Variants in MDFIC observed in about 807,000 individuals in gnomAD.
MDFIC encodes MyoD family inhibitor domain containing, also known as myoD family inhibitor domain-containing protein.
Under a neutral mutation model 23.2 loss-of-function variants are expected in MDFIC, and 17 were observed. The observed-to-expected ratio is 0.73, with a 90% confidence interval of 0.50 to 1.10. The LOEUF is 1.10. Ranked by LOEUF, MDFIC falls within the 50% of genes least tolerant of loss-of-function variation. MDFIC has a pLI of 0.00. For synonymous variants in MDFIC, 120 were observed against 115.2 expected (o/e 1.04, Z -0.27); for missense variants, 356 against 316.6 (o/e 1.12, Z -0.95).
At chr7:114,985,962 C>G (rs1398276386) in intron 4 of MDFIC, among the ~76,000 whole-genome samples, 1 of 150,930 alleles carries the variant, frequency 6.6e-6, no homozygotes, top group Non-Finnish European at 1.5e-5. Flanking sequence ...AATCAGGGTG[C>G]TTTCTCACCT....
chr7:115,013,166 T>C lies in MDFIC; in HGVS notation c.494-2522T>C, dbSNP rs564277126. 3.3e-5 allele frequency among the ~76,000 whole-genome samples: 5 copies of C among 152,296 alleles called. 1 individual carries two copies. The South Asian group carries it at 1.0e-3, about 32-fold the overall frequency. ...TTGCGGAGTATAGTTTCCATTCTGA[T>C]ATATTTTTTAGGGGTGTGTACACAT... is the stretch of plus-strand genomic sequence containing the variant. On this transcript the variant is annotated intron_variant, in intron 4 of 4. Coordinates refer to ENST00000393486, the MANE Select transcript of MDFIC (RefSeq NM_001166345.3).
intron 3 of MDFIC, among the ~76,000 whole-genome samples, chr7:114,966,628 T>C (rs1793102512): frequency 6.6e-6 from 1 of 152,186 alleles, no homozygotes; most frequent in African/African-American, 2.4e-5. Flanking sequence ...GAACAGGTTG[T>C]TTGTGTCACT....
At chr7:114,946,433 T>C in intron 3 of MDFIC, among the ~76,000 whole-genome samples, 1 of 152,194 alleles carries the variant, frequency 6.6e-6, no homozygotes, top group Non-Finnish European at 1.5e-5. Flanking sequence ...TACTTAACTT[T>C]ATCCTTGGAC....
In MDFIC at chr7:114,923,071, T is replaced by C; in HGVS notation, c.38T>C (p.Val13Ala). 7.1e-7 allele frequency: 1 copy of C among 1,403,736 alleles called. No individual in the cohort carries two copies. The highest frequency in any genetic ancestry group is 9.3e-7 in the Non-Finnish European group (1 of 1,079,662). The allele number at this position is 1,403,736 out of a possible 1,614,324, so 87.0% of individuals were successfully genotyped here. The change falls in exon 2 of 5, where the codon GTG (valine) becomes GCG (alanine). Residue 13 changes from valine (V) to alanine (A), a missense_variant. Transcript: ENST00000393486. ...GAGEALAPGP[V>A]GPQRVAEAGG... ...GGCGAAGCCCTCGCTCCCGGGCCCG[T>C]GGGGCCGCAGCGCGTGGCCGAGGCG...
chr7:114,968,132 T>C (rs1057207363), intron 3 of MDFIC, among the ~76,000 whole-genome samples: 4 of 152,206 alleles, frequency 2.6e-5, no homozygotes, highest in African/African-American at 7.2e-5. Flanking sequence ...CGTGTTAATC[T>C]TGAAATGTGG....
At chr7:114,941,730 G>A (rs989372523) in intron 2 of MDFIC, among the ~76,000 whole-genome samples, 5 of 152,054 alleles carry the variant, frequency 3.3e-5, no homozygotes, top group Admixed American at 1.3e-4. Flanking sequence ...ACCCACTTGC[G>A]AATCTCTCGT....
At chr7:114,954,401 T>C (rs1390571428) in intron 3 of MDFIC, among the ~76,000 whole-genome samples, 2 of 152,262 alleles carry the variant, frequency 1.3e-5, no homozygotes, top group South Asian at 4.1e-4. Flanking sequence ...ATTTCTGCCA[T>C]GCTTATGCTG....
chr7:114,949,955 CA>C (rs1296920958), intron 3 of MDFIC, among the ~76,000 whole-genome samples: 1 of 152,044 alleles, frequency 6.6e-6, no homozygotes, highest in East Asian at 1.9e-4. Context: ...AGGACATGGC[CA>C]TTTTGAGGGG....
At chr7:115,006,093 T>TCCTCCTGCCTGTGTGAGGTCTGCA (rs1231138456) in intron 4 of MDFIC, among the ~76,000 whole-genome samples, 4 of 152,124 alleles carry the variant, frequency 2.6e-5, no homozygotes, top group African/African-American at 7.2e-5. Flanking sequence ...CAGGCGAGGC[T>TCCTCCTGCCTGTGTGAGGTCTGCA]CCTCCTGCCT....
At chr7:114,959,800 C>T (rs890830053) in intron 3 of MDFIC, among the ~76,000 whole-genome samples, 2 of 147,768 alleles carry the variant, frequency 1.4e-5, no homozygotes, top group African/African-American at 2.5e-5. Flanking sequence ...AGCCAATTAT[C>T]TTGACTCCCA....
intron 2 of MDFIC, among the ~76,000 whole-genome samples, chr7:114,936,147 C>A (rs1371238462): frequency 1.3e-5 from 2 of 152,104 alleles, no homozygotes; most frequent in East Asian, 3.9e-4. Context: ...AGTGGTGGAC[C>A]CAGGCACCCT....
intron 3 of MDFIC, among the ~76,000 whole-genome samples, chr7:114,969,187 T>C (rs1043349144): frequency 5.3e-5 from 8 of 152,222 alleles, no homozygotes; most frequent in African/African-American, 1.9e-4. Context: ...CTTGAATCCT[T>C]GCTACACTTC....
intron 3 of MDFIC, among the ~76,000 whole-genome samples, chr7:114,943,391 A>G (rs916412933): frequency 6.6e-6 from 1 of 152,202 alleles, no homozygotes; most frequent in Non-Finnish European, 1.5e-5. Context: ...AGAGGGTCCA[A>G]CTTAGGAGAA....
At chr7:114,922,892 ATTT>A in intron 1 of MDFIC, 32 bp from the exon 2 acceptor site, 1 of 1,254,212 alleles carries the variant, frequency 8.0e-7, no homozygotes, top group Non-Finnish European at 1.1e-6. Context: ...CTCTAAAAAC[ATTT>A]TTTTTTTTAA....
chr7:114,997,801 GAGAAAGAA>G (rs1014966030), intron 4 of MDFIC, among the ~76,000 whole-genome samples: 1 of 150,276 alleles, frequency 6.7e-6, no homozygotes, highest in African/African-American at 2.4e-5. Context: ...AAGAAAGAAA[GAGAAAGAA>G]AGAAAGAAAA....
At chr7:114,946,976 G>T (rs1193063718) in intron 3 of MDFIC, among the ~76,000 whole-genome samples, 5 of 152,134 alleles carry the variant, frequency 3.3e-5, no homozygotes, top group Non-Finnish European at 5.9e-5. Flanking sequence ...AGATACTCAG[G>T]TGTGCTATTT....
In MDFIC at chr7:114,942,400, A is replaced by G. The variant is rs770310082; in HGVS notation, c.217+3A>G. On this transcript the variant is annotated splice_donor_region_variant and intron_variant, in intron 3 of 4. Coordinates refer to ENST00000393486, the MANE Select transcript of MDFIC (RefSeq NM_001166345.3). ...TTCGGATGGTGAACTCATTAGAAGTAAGTATTTTTAGAAAAAACTTTGAGT... is the reference window on the plus strand; with the variant it reads ...TTCGGATGGTGAACTCATTAGAAGTGAGTATTTTTAGAAAAAACTTTGAGT... 6.4e-7 allele frequency: 1 copy of G among 1,561,542 alleles called. No homozygotes were observed. Among genetic ancestry groups the G allele is most frequent in the Admixed American group, 2.0e-5 (1 of 49,346 alleles).
chr7:114,954,548 G>T (rs1047583788), intron 3 of MDFIC, among the ~76,000 whole-genome samples: 1 of 152,202 alleles, frequency 6.6e-6, no homozygotes, highest in African/African-American at 2.4e-5. Context: ...CAGTTGAAAT[G>T]TCTCTGCTTC....
chr7:114,968,176 T>C (rs1447652769), intron 3 of MDFIC, among the ~76,000 whole-genome samples: 3 of 152,208 alleles, frequency 2.0e-5, no homozygotes, highest in Non-Finnish European at 4.4e-5. Flanking sequence ...CATTTGCAGA[T>C]GCTTATATGT....
Sources: gnomAD v4.1 joint callset for allele counts (sites outside exome capture counted in the v4.1 genomes callset) on GRCh38, gnomAD v4.1.1 for gene constraint, MANE v1.5 for transcripts, NCBI Gene and HGNC (gene_info 2026-07-23, HGNC 2026-07-21) for gene names.